DHRS1: variants seen among roughly 807,000 people sequenced by gnomAD.
The protein encoded by DHRS1 is dehydrogenase/reductase SDR family member 1.
Under a neutral mutation model 35.2 loss-of-function variants are expected in DHRS1, and 34 were observed. The observed-to-expected ratio is 0.97, with a 90% CI of 0.74 to 1.29. The LOEUF (loss-of-function observed/expected upper bound fraction) is 1.29. Ranked by LOEUF, DHRS1 falls within the 50% of genes most tolerant of loss-of-function variation. DHRS1 has a pLI of 0.00. For missense variants in DHRS1, 354 were observed against 403.6 expected (o/e 0.88, Z 1.05); for synonymous variants, 133 against 160.0 (o/e 0.83, Z 1.27).
intron 5 of DHRS1, 104 bp from the exon 6 acceptor site, chr14:24,292,434 C>T: frequency 6.5e-7 from 1 of 1,539,468 alleles, no homozygotes; most frequent in Non-Finnish European, 8.8e-7. Flanking sequence ...CTGTCCTTCC[C>T]AGGAGCCCCA....
At position 24,296,767 on chromosome 14, in the gene DHRS1, G is replaced by A. The variant is rs930033261; in HGVS notation, c.265C>T (p.Leu89=). The A allele has an allele frequency of 9.3e-6, 15 of 1,614,086 alleles. No homozygotes were observed. The African/African-American group carries it at 1.7e-4, about 19-fold the overall frequency. Reference sequence around the variant, plus strand: ...ACCCCTGCATAAGCATTGTTGACCAGCACATCTAGACGCCCTTGCTGTTCC... The same window carrying A: ...ACCCCTGCATAAGCATTGTTGACCAACACATCTAGACGCCCTTGCTGTTCC... ...DREQQGRLDV[L]VNNAYAGVQT... is the part of the protein sequence containing the mutation. The change falls in exon 3 of 9, where the codon CTG becomes TTG. Residue 89 remains leucine, a synonymous_variant. Transcript: ENST00000288111.
chr14:24,290,699 C>T lies in DHRS1; in HGVS notation c.*160G>A. On this transcript the variant is annotated 3_prime_UTR_variant, in exon 9 of 9. Transcript: ENST00000288111. Reference sequence around the variant, plus strand: ...GGAAAACCAAGGCACAAAGAAGGGACCTAGGCGCACCCCAGAACTCACCAC... The same window carrying T: ...GGAAAACCAAGGCACAAAGAAGGGATCTAGGCGCACCCCAGAACTCACCAC... 1 of 822,942 alleles carries T rather than the reference C, an allele frequency of 1.2e-6. No homozygotes were observed. The highest frequency in any genetic ancestry group is 1.9e-6 in the Non-Finnish European group (1 of 523,232). 51.0% of individuals were successfully genotyped at this position (822,942 alleles called of 1,614,324 possible).
chr14:24,296,373 G>T, intron 4 of DHRS1, 136 bp downstream of exon 4: 1 of 826,546 alleles, frequency 1.2e-6, no homozygotes. Flanking sequence ...GAGGTAAGTG[G>T]GACAAATGGA....
At chr14:24,293,839 A>T (rs2041203475) in intron 4 of DHRS1, 1 of 152,196 alleles carries the variant, frequency 6.6e-6, no homozygotes, top group African/African-American at 2.4e-5. Flanking sequence ...ATAAAATAAA[A>T]TAAATTAAAA....
At chr14:24,291,793 C>T in intron 6 of DHRS1, 168 bp from the exon 7 acceptor site, 1 of 687,222 alleles carries the variant, frequency 1.5e-6, no homozygotes, top group Non-Finnish European at 2.5e-6. Context: ...CAGAGCCACT[C>T]CTCCCCACAT....
At chr14:24,291,283 C>A in intron 7 of DHRS1, 64 bp from the exon 8 acceptor site, 9 of 1,536,544 alleles carry the variant, frequency 5.9e-6, no homozygotes, top group Non-Finnish European at 8.1e-6. Context: ...AAGGTTTGGG[C>A]CCAGTTGGAC....
In DHRS1 at chr14:24,296,525, T is replaced by C; in HGVS notation, c.358A>G (p.Asn120Asp). ...AGCACCCACCTGAGTCCGACGTTGT[T>C]GATATCATCCCACATGGAGGCAGGG... ...ETPASMWDDI[N>D]NVGLRGHYFC... Residue 120 changes from asparagine to aspartate, a missense_variant, in exon 4 of 9, where the codon AAC (asparagine) becomes GAC (aspartate). Transcript: ENST00000288111. The C allele has an allele frequency of 6.2e-7, 1 of 1,614,198 alleles. No individual in the cohort carries two copies. Among genetic ancestry groups the C allele is most frequent in the African/African-American group, 1.3e-5 (1 of 75,052 alleles).
At position 24,292,542 on chromosome 14, in the gene DHRS1, G is replaced by A. The variant is rs1294277185; in HGVS notation, c.507+110C>T. On this transcript the variant is annotated intron_variant, in intron 5 of 8. Coordinates refer to ENST00000288111, the MANE Select transcript of DHRS1 (RefSeq NM_001136050.3). The stretch of plus-strand genomic sequence containing the variant: ...TGTCCATGGATGAGGCAGAGGAGGA[G>A]CTGAGAGGAGCCAGCCTTACCATTC... 7.0e-6 allele frequency: 11 copies of A among 1,581,428 alleles called. No individual in the cohort carries two copies. In the African/African-American group the frequency reaches 8.1e-5, roughly 12 times the overall value.
chr14:24,297,930 C>T (rs1843235678), intron 2 of DHRS1, among the ~76,000 whole-genome samples: 1 of 152,202 alleles, frequency 6.6e-6, no homozygotes, highest in Non-Finnish European at 1.5e-5. Context: ...CTGGATGCTC[C>T]CCAACACCCC....
chr14:24,297,410 T>G (rs564530822), intron 2 of DHRS1, among the ~76,000 whole-genome samples: 1 of 152,318 alleles, frequency 6.6e-6, no homozygotes, highest in South Asian at 2.1e-4. Flanking sequence ...TCTCTACAAA[T>G]GCCCACAAAC....
chr14:24,291,062 T>C (rs2041149680), intron 8 of DHRS1, 67 bp from the exon 9 acceptor site: 1 of 1,613,238 alleles, frequency 6.2e-7, no homozygotes, highest in African/African-American at 1.3e-5. Context: ...TCACCTTGGC[T>C]GGAGAGACCG....
chr14:24,296,620 T>G, intron 3 of DHRS1, 32 bp from the exon 4 acceptor site: 1 of 1,613,632 alleles, frequency 6.2e-7, no homozygotes, highest in Non-Finnish European at 8.5e-7. Context: ...ATGAATGATC[T>G]GAAGGTAGGG....
intron 2 of DHRS1, 24 bp from the exon 3 acceptor site, chr14:24,296,905 G>C (rs1483889565): frequency 6.2e-7 from 1 of 1,613,988 alleles, no homozygotes; most frequent in South Asian, 1.1e-5. Flanking sequence ...GGGGATATGA[G>C]CTCACATTCA....
intron 7 of DHRS1, 98 bp downstream of exon 7, chr14:24,291,458 T>C: frequency 7.5e-7 from 1 of 1,334,122 alleles, no homozygotes; most frequent in Non-Finnish European, 1.1e-6. Flanking sequence ...GAATGACATG[T>C]TCCTCAACCA....
At chr14:24,295,888 C>G (rs577293488) in intron 4 of DHRS1, among the ~76,000 whole-genome samples, 1 of 152,222 alleles carries the variant, frequency 6.6e-6, no homozygotes, top group African/African-American at 2.4e-5. Flanking sequence ...GGTGACTGAT[C>G]ACATCCATCA....
Position 24,292,343 on chromosome 14 carries a change from G to A in DHRS1, c.508-13C>T, listed in dbSNP as rs1053103648. On this transcript the variant is annotated splice_polypyrimidine_tract_variant and intron_variant, in intron 5 of 8. Coordinates refer to ENST00000288111, the MANE Select transcript of DHRS1 (RefSeq NM_001136050.3). ...CCAGCTTGTCACACTGTGGAGAGGC[G>A]GAAGGCAGGGTAAGAGCCACCTAGC... 8.7e-6 allele frequency: 14 copies of A among 1,613,416 alleles called. No individual in the cohort carries two copies. Among genetic ancestry groups the A allele is most frequent in the Admixed American group, 6.7e-5 (4 of 59,990 alleles).
At chr14:24,297,513 G>A (rs974000168) in intron 2 of DHRS1, among the ~76,000 whole-genome samples, 1 of 152,112 alleles carries the variant, frequency 6.6e-6, no homozygotes, top group Non-Finnish European at 1.5e-5. Context: ...TACCCTCCTT[G>A]CCTGAACTAC....
At chr14:24,292,429 C>T (rs1566401565) in intron 5 of DHRS1, 99 bp from the exon 6 acceptor site, 2 of 1,548,084 alleles carry the variant, frequency 1.3e-6, no homozygotes, top group East Asian at 4.6e-5. Context: ...CCACCCTGTC[C>T]TTCCCAGGAG....
Position 24,291,577 on chromosome 14 carries a change from A to G in DHRS1, c.703T>C (p.Cys235Arg), listed in dbSNP as rs749596073. The change falls in exon 7 of 9, where the codon TGT becomes CGT. Residue 235 changes from cysteine (C) to arginine (R), a missense_variant. Coordinates refer to ENST00000288111, the MANE Select transcript of DHRS1 (RefSeq NM_001136050.3). Reference protein sequence around the residue: ...SAETTELSGKCVVALATDPNI... With the variant: ...SAETTELSGKRVVALATDPNI... ...TCACCTGTTGCCAAAGCCACCACAC[A>G]TTTGCCACTCAATTCTGTGGTTTCC... is the stretch of plus-strand genomic sequence containing the variant. 1 of 1,614,150 alleles carries G rather than the reference A, an allele frequency of 6.2e-7. No individual in the cohort carries two copies. Among genetic ancestry groups the G allele is most frequent in the East Asian group, 2.2e-5 (1 of 44,890 alleles).
Sources: allele counts gnomAD v4.1 joint callset (sites outside exome capture counted in the v4.1 genomes callset), GRCh38; gene constraint gnomAD v4.1.1; transcripts MANE v1.5; gene names NCBI Gene and HGNC (gene_info 2026-07-23, HGNC 2026-07-21).